Variants in PLXDC2 observed in about 807,000 individuals in gnomAD.
The protein encoded by PLXDC2 is plexin domain-containing protein 2.
Under a neutral mutation model 68.9 loss-of-function variants are expected in PLXDC2, and 40 were observed. The observed-to-expected ratio is 0.58, with a 90% CI of 0.45 to 0.76. PLXDC2 has a LOEUF of 0.76. Among genes scored for constraint, PLXDC2 ranks in the 30% least tolerant of loss-of-function variants. PLXDC2 has a pLI of 0.00. For synonymous variants in PLXDC2, 243 were observed against 234.2 expected, an observed-to-expected ratio of 1.04 and a Z score of -0.34; for missense variants, 644 against 661.9, an observed-to-expected ratio of 0.97 and a Z score of 0.30.
At chr10:19,882,071 G>A (rs527637413) in intron 1 of PLXDC2, among the ~76,000 whole-genome samples, 1 of 152,332 alleles carries the variant, frequency 6.6e-6, no homozygotes, top group African/African-American at 2.4e-5. Context: ...TTGACATTGA[G>A]TGCTTACTAA....
chr10:20,148,506 A>G (rs982944134), intron 6 of PLXDC2, among the ~76,000 whole-genome samples: 3 of 152,206 alleles, frequency 2.0e-5, no homozygotes, highest in African/African-American at 7.2e-5. Context: ...GACAAAGTAA[A>G]GAATGAAAAT....
At chr10:19,884,263 T>G (rs1469261314) in intron 1 of PLXDC2, among the ~76,000 whole-genome samples, 1 of 152,180 alleles carries the variant, frequency 6.6e-6, no homozygotes, top group African/African-American at 2.4e-5. Context: ...TATCTCTTGA[T>G]ATTTGCTATG....
In PLXDC2 at chr10:19,936,563, C is replaced by A. The variant is rs142851164; in HGVS notation, c.113-65212C>A. ...AGCCTCTGCTTTATATAATGCCTGACAACATGTTTGTGAGCTTTATCTACT... is the reference window on the plus strand; with the variant it reads ...AGCCTCTGCTTTATATAATGCCTGAAAACATGTTTGTGAGCTTTATCTACT... On this transcript the variant is annotated intron_variant, in intron 1 of 13. Transcript: ENST00000377252. Among the ~76,000 whole-genome samples, 673 of 152,300 alleles carry A rather than the reference C, an allele frequency of 4.4e-3. 4 individuals carry two copies. Among genetic ancestry groups the A allele is most frequent in the African/African-American group, 0.016 (647 of 41,556 alleles).
chr10:19,917,490 A>G (rs138232866), intron 1 of PLXDC2, among the ~76,000 whole-genome samples: 3 of 152,278 alleles, frequency 2.0e-5, no homozygotes, highest in East Asian at 3.9e-4. Flanking sequence ...TGTGGACATA[A>G]ATTCTCATAA....
In PLXDC2 at chr10:20,281,747, C is replaced by G. The variant is rs1836084597; in HGVS notation, c.*1928C>G. ...TTTATGTGAAGTATCCCCACTTATT[C>G]TTGTGGAGCAGGTTTGGTGAGACAG... On this transcript the variant is annotated 3_prime_UTR_variant, in exon 14 of 14. Coordinates refer to ENST00000377252, the MANE Select transcript of PLXDC2 (RefSeq NM_032812.9). 1 of 152,132 alleles carries G rather than the reference C, an allele frequency of 6.6e-6. No homozygotes were observed. Among genetic ancestry groups the G allele is most frequent in the South Asian group, 2.1e-4 (1 of 4,832 alleles). 9.4% of individuals were successfully genotyped at this position (152,132 alleles called of 1,614,324 possible).
At chr10:20,213,905 T>G (rs1379138564) in intron 10 of PLXDC2, among the ~76,000 whole-genome samples, 1 of 152,160 alleles carries the variant, frequency 6.6e-6, no homozygotes, top group Non-Finnish European at 1.5e-5. Flanking sequence ...TTTCATCTTT[T>G]CCTCATATTT....
At position 20,248,605 on chromosome 10, in the gene PLXDC2, C is replaced by T. The variant is rs113440623; in HGVS notation, c.1473+3100C>T. On this transcript the variant is annotated intron_variant, in intron 13 of 13. Coordinates refer to ENST00000377252, the MANE Select transcript of PLXDC2 (RefSeq NM_032812.9). Reference sequence around the variant, plus strand: ...AGAGTCTGCTTAAATCACTACCTATCTGACATGCTGCTGGGGTCATGCGGC... The same window carrying T: ...AGAGTCTGCTTAAATCACTACCTATTTGACATGCTGCTGGGGTCATGCGGC... Among the ~76,000 whole-genome samples the T allele has an allele frequency of 7.0e-3, 1,059 of 152,282 alleles. 5 individuals are homozygous for T. The highest frequency in any genetic ancestry group is 0.011 in the Non-Finnish European group (757 of 68,016).
Position 20,187,152 on chromosome 10 carries a change from G to C in PLXDC2, c.1061+9743G>C, listed in dbSNP as rs375303402. 5.9e-5 allele frequency among the ~76,000 whole-genome samples: 9 copies of C among 151,830 alleles called. No individual in the cohort carries two copies. In the East Asian group the frequency reaches 7.8e-4, roughly 13 times the overall value. On this transcript the variant is annotated intron_variant, in intron 9 of 13. Coordinates refer to ENST00000377252, the MANE Select transcript of PLXDC2 (RefSeq NM_032812.9). ...TAGGTGAATTACGTGGAAATGTCTGGTTGGATACCTAGTGGCACAGCCAGC... is the reference window on the plus strand; with the variant it reads ...TAGGTGAATTACGTGGAAATGTCTGCTTGGATACCTAGTGGCACAGCCAGC...
rs1319832744 is a variant in PLXDC2, at chr10:20,152,342, T to C, written c.783+4440T>C. Reference sequence around the variant, plus strand: ...AATACCCTGTTGTTTTCTAGAATCATATTGGAGAGAAGACTTGTGGAGGCA... The same window carrying C: ...AATACCCTGTTGTTTTCTAGAATCACATTGGAGAGAAGACTTGTGGAGGCA... On this transcript the variant is annotated intron_variant, in intron 6 of 13. Coordinates refer to ENST00000377252, the MANE Select transcript of PLXDC2 (RefSeq NM_032812.9). 3.3e-5 allele frequency among the ~76,000 whole-genome samples: 5 copies of C among 152,122 alleles called. No homozygotes were observed. The East Asian group carries it at 7.7e-4, about 23-fold the overall frequency.
chr10:19,876,471 G>T (rs1446568888), intron 1 of PLXDC2, among the ~76,000 whole-genome samples: 3 of 151,940 alleles, frequency 2.0e-5, no homozygotes, highest in Non-Finnish European at 4.4e-5. Context: ...GCGTGGTGGT[G>T]CATGCCTGTA....
chr10:20,223,568 C>T (rs907912519), intron 12 of PLXDC2, among the ~76,000 whole-genome samples: 3 of 152,066 alleles, frequency 2.0e-5, no homozygotes, highest in African/African-American at 4.8e-5. Flanking sequence ...CTGCCTTGGC[C>T]TCCCAAAGTG....
chr10:20,037,690 T>A (rs1835602162), intron 2 of PLXDC2, among the ~76,000 whole-genome samples: 2 of 152,158 alleles, frequency 1.3e-5, no homozygotes, highest in Admixed American at 1.3e-4. Context: ...GGCAAGCACT[T>A]AACTGAGCTG....
chr10:19,830,970 G>A lies in PLXDC2; in HGVS notation c.112+13779G>A, dbSNP rs532944853. Among the ~76,000 whole-genome samples the A allele has an allele frequency of 2.7e-5, 4 of 150,388 alleles. No individual in the cohort carries two copies. The Admixed American group carries it at 2.7e-4, about 10-fold the overall frequency. On this transcript the variant is annotated intron_variant, in intron 1 of 13. Transcript: ENST00000377252. The stretch of plus-strand genomic sequence containing the variant: ...CTTCCCACTAAATTGTAAGCTCTAT[G>A]AGGGTAGGAACCAGGTTTGTTTCCT...
intron 4 of PLXDC2, among the ~76,000 whole-genome samples, chr10:20,102,689 A>C (rs927271661): frequency 6.6e-6 from 1 of 152,240 alleles, no homozygotes; most frequent in Non-Finnish European, 1.5e-5. Context: ...GCAGAAGGAC[A>C]AGATGGGGGA....
At chr10:19,876,784 A>G (rs988498956) in intron 1 of PLXDC2, among the ~76,000 whole-genome samples, 3 of 152,174 alleles carry the variant, frequency 2.0e-5, no homozygotes, top group Non-Finnish European at 4.4e-5. Context: ...AATGTTGCAT[A>G]GCAGATAAAA....
At chr10:19,843,045 T>C (rs1836937464) in intron 1 of PLXDC2, among the ~76,000 whole-genome samples, 1 of 149,972 alleles carries the variant, frequency 6.7e-6, no homozygotes, top group African/African-American at 2.5e-5. Context: ...TAGTAATGCT[T>C]TTAACTTATG....
chr10:20,239,951 G>A (rs1052175071), intron 12 of PLXDC2, among the ~76,000 whole-genome samples: 1 of 152,124 alleles, frequency 6.6e-6, no homozygotes, highest in African/African-American at 2.4e-5. Flanking sequence ...TTTATTTTAG[G>A]TTCAGGGGTA....
intron 4 of PLXDC2, among the ~76,000 whole-genome samples, chr10:20,111,716 C>T (rs185502660): frequency 9.8e-5 from 15 of 152,316 alleles, no homozygotes; most frequent in African/African-American, 3.4e-4. Flanking sequence ...GCGAGTCTCA[C>T]GGTTACTCCT....
At chr10:20,061,304 T>C (rs183436658) in intron 3 of PLXDC2, among the ~76,000 whole-genome samples, 2 of 152,322 alleles carry the variant, frequency 1.3e-5, no homozygotes, top group Non-Finnish European at 2.9e-5. Context: ...TTGCCTTTCA[T>C]AAACATGACA....
Sources: allele counts gnomAD v4.1 joint callset (sites outside exome capture counted in the v4.1 genomes callset), GRCh38; gene constraint gnomAD v4.1.1; transcripts MANE v1.5; gene names NCBI Gene and HGNC (gene_info 2026-07-23, HGNC 2026-07-21).